The following BCKDHB variants were observed in gnomAD, a reference collection of about 807,000 sequenced individuals.
BCKDHB encodes the protein 2-oxoisovalerate dehydrogenase subunit beta, mitochondrial.
BCKDHB carries 41 observed loss-of-function variants against 48.5 expected under a neutral mutation model. The observed-to-expected ratio is 0.85, with a 90% CI of 0.66 to 1.10. BCKDHB has a LOEUF of 1.10. BCKDHB is among the 50% of genes least tolerant of loss of function. The probability of loss-of-function intolerance (pLI) is 0.00; values close to 1 mark genes in which losing one functional copy is unlikely to be tolerated. For synonymous variants in BCKDHB, 201 were observed against 174.8 expected, an observed-to-expected ratio of 1.15 and a Z score of -1.18; for missense variants, 496 against 494.2, an observed-to-expected ratio of 1.00 and a Z score of -0.03.
At chr6:80,298,227 C>T (rs1463645577) in intron 9 of BCKDHB, among the ~76,000 whole-genome samples, 2 of 152,136 alleles carry the variant, frequency 1.3e-5, no homozygotes, top group Admixed American at 1.3e-4. Flanking sequence ...ATTCTCATAC[C>T]TTAGCCTCTC....
chr6:80,319,718 A>T (rs1768617667), intron 9 of BCKDHB, among the ~76,000 whole-genome samples: 3 of 152,214 alleles, frequency 2.0e-5, no homozygotes, highest in Admixed American at 2.0e-4. Context: ...TATTAGGAAG[A>T]TCTCACATTG....
At chr6:80,354,743 A>G in the BCKDHB span, among the ~76,000 whole-genome samples, 3 of 152,160 alleles carry the variant, frequency 2.0e-5, no homozygotes, top group Admixed American at 2.0e-4. Flanking sequence ...CTATTTTCTC[A>G]GCACCATTTA....
chr6:80,348,447 C>T (rs1770301999), downstream of BCKDHB, among the ~76,000 whole-genome samples: 1 of 152,210 alleles, frequency 6.6e-6, no homozygotes, highest in South Asian at 2.1e-4. Context: ...GTTTAGAGAA[C>T]TCCCTCTCCC....
intron 8 of BCKDHB, among the ~76,000 whole-genome samples, chr6:80,248,156 A>G (rs1413854092): frequency 1.3e-5 from 2 of 152,132 alleles, no homozygotes; most frequent in Non-Finnish European, 2.9e-5. Flanking sequence ...TGGGAAATTC[A>G]TCTTCATAAA....
intron 9 of BCKDHB, among the ~76,000 whole-genome samples, chr6:80,284,116 A>G (rs1332346401): frequency 6.6e-6 from 1 of 152,124 alleles, no homozygotes; most frequent in African/African-American, 2.4e-5. Flanking sequence ...ATTTAGGGTA[A>G]TTAAACTTAC....
At chr6:80,132,270 G>A (rs750601986) in intron 3 of BCKDHB, among the ~76,000 whole-genome samples, 48 of 152,038 alleles carry the variant, frequency 3.2e-4, no homozygotes, top group Non-Finnish European at 5.4e-4. Context: ...CACTATTCAC[G>A]CTGCACCTTT....
At chr6:80,436,055 C>A in the BCKDHB span, among the ~76,000 whole-genome samples, 8 of 150,944 alleles carry the variant, frequency 5.3e-5, no homozygotes, top group South Asian at 1.7e-3. Context: ...AGTTTTTATT[C>A]TCTCAAATCT....
the BCKDHB span, among the ~76,000 whole-genome samples, chr6:80,417,590 C>G: frequency 6.6e-6 from 1 of 152,162 alleles, no homozygotes; most frequent in African/African-American, 2.4e-5. Context: ...TTCTCCTTCA[C>G]TTATGATGTT....
At chr6:80,380,163 A>C in the BCKDHB span, among the ~76,000 whole-genome samples, 1 of 152,150 alleles carries the variant, frequency 6.6e-6, no homozygotes, top group Non-Finnish European at 1.5e-5. Flanking sequence ...ATCTGGAGGC[A>C]TCACATTGCC....
chr6:80,107,908 C>A (rs575252715), intron 1 of BCKDHB, among the ~76,000 whole-genome samples: 2 of 152,138 alleles, frequency 1.3e-5, no homozygotes, highest in South Asian at 4.2e-4. Context: ...TGTAGGGAAA[C>A]ATGTATTGCT....
intron 8 of BCKDHB, among the ~76,000 whole-genome samples, chr6:80,233,435 T>C (rs1776016680): frequency 6.6e-6 from 1 of 152,222 alleles, no homozygotes; most frequent in Non-Finnish European, 1.5e-5. Flanking sequence ...TAGTGACTTA[T>C]CTAAACATTC....
Position 80,242,868 on chromosome 6 carries a change from G to A in BCKDHB, c.952-30267G>A, listed in dbSNP as rs549596081. On this transcript the variant is annotated intron_variant, in intron 8 of 9. Coordinates refer to ENST00000320393, the MANE Select transcript of BCKDHB (RefSeq NM_183050.4). ...TGAGAACAGATAAAGTATAAAAATTGGGTAGGTTTCCAGAGACCCAAATCT... is the reference window on the plus strand; with the variant it reads ...TGAGAACAGATAAAGTATAAAAATTAGGTAGGTTTCCAGAGACCCAAATCT... Among the ~76,000 whole-genome samples, 6 of 152,180 alleles carry A rather than the reference G, an allele frequency of 3.9e-5. No homozygotes were observed. The East Asian group carries it at 1.2e-3, about 29-fold the overall frequency.
At chr6:80,220,402 AGT>A (rs1775382175) in intron 8 of BCKDHB, among the ~76,000 whole-genome samples, 1 of 39,928 alleles carries the variant, frequency 2.5e-5, no homozygotes, top group African/African-American at 9.2e-5. Context: ...TTTCTTTAGT[AGT>A]GTTTTTTTTT....
At chr6:80,214,799 A>T (rs1347081583) in intron 8 of BCKDHB, among the ~76,000 whole-genome samples, 1 of 152,216 alleles carries the variant, frequency 6.6e-6, no homozygotes, top group Non-Finnish European at 1.5e-5. Flanking sequence ...ATAACTGATG[A>T]TCTCGTGAAT....
intron 9 of BCKDHB, among the ~76,000 whole-genome samples, chr6:80,330,439 A>T (rs915720418): frequency 1.3e-5 from 2 of 152,226 alleles, no homozygotes; most frequent in Non-Finnish European, 2.9e-5. Flanking sequence ...ATATTTATGC[A>T]TTCACAAATA....
At chr6:80,133,587 AG>A in intron 3 of BCKDHB, among the ~76,000 whole-genome samples, 1 of 152,262 alleles carries the variant, frequency 6.6e-6, no homozygotes, top group Non-Finnish European at 1.5e-5. Context: ...GGGCAGTTAA[AG>A]GTAGTTGATT....
chr6:80,291,760 A>G (rs904541430), intron 9 of BCKDHB, among the ~76,000 whole-genome samples: 2 of 152,216 alleles, frequency 1.3e-5, no homozygotes, highest in Non-Finnish European at 2.9e-5. Context: ...TGATGAGACT[A>G]GAATTTAATA....
intron 3 of BCKDHB, among the ~76,000 whole-genome samples, chr6:80,133,243 G>C (rs1421715690): frequency 6.6e-6 from 1 of 152,158 alleles, no homozygotes; most frequent in African/African-American, 2.4e-5. Flanking sequence ...AAGGATTGTG[G>C]GTTACTGACA....
chr6:80,198,096 A>G (rs1267893257), intron 6 of BCKDHB, among the ~76,000 whole-genome samples: 2 of 152,202 alleles, frequency 1.3e-5, no homozygotes, highest in African/African-American at 4.8e-5. Flanking sequence ...CTGTAAACGA[A>G]CAGATGGTAA....
Sources: allele counts gnomAD v4.1 joint callset (sites outside exome capture counted in the v4.1 genomes callset), GRCh38; gene constraint gnomAD v4.1.1; transcripts MANE v1.5; gene names NCBI Gene and HGNC (gene_info 2026-07-23, HGNC 2026-07-21).